Variants in BORCS5 observed in about 807,000 individuals in gnomAD.
BORCS5 encodes the protein BLOC-1 related complex subunit 5, also known as BLOC-1-related complex subunit 5.
Under a neutral mutation model 22.1 loss-of-function variants are expected in BORCS5, and 17 were observed. The ratio of observed to expected loss-of-function variants is 0.77; its 90% CI spans 0.53 to 1.15. The LOEUF is 1.15. Among genes scored for constraint, BORCS5 ranks in the 50% most tolerant of loss-of-function variants. The probability of loss-of-function intolerance (pLI) is 0.00; values close to 1 mark genes in which losing one functional copy is unlikely to be tolerated. For missense variants in BORCS5, 247 were observed against 253.2 expected (o/e 0.98, Z 0.17); for synonymous variants, 117 against 99.8 (o/e 1.17, Z -1.03).
intron 2 of BORCS5, among the ~76,000 whole-genome samples, chr12:12,394,914 C>T (rs1178226091): frequency 6.6e-6 from 1 of 152,012 alleles, no homozygotes; most frequent in Non-Finnish European, 1.5e-5. Flanking sequence ...TGCTGAGCTA[C>T]AGAGAGGTTA....
chr12:12,435,552 G>T (rs1942536413), intron 2 of BORCS5, 76 bp from the exon 3 acceptor site: 2 of 1,236,428 alleles, frequency 1.6e-6, no homozygotes, highest in South Asian at 1.4e-5. Flanking sequence ...TGTCTTCAGT[G>T]AACTTGTTAA....
rs1463804352 is a variant in BORCS5 at position 12,361,192 on chromosome 12, A to C, written c.59-14A>C. ...CTAATATGCATCTCCTAAGCAGTGTAACTTTATTTTCAGTGACTCCTTCAC... is the reference window on the plus strand; with the variant it reads ...CTAATATGCATCTCCTAAGCAGTGTCACTTTATTTTCAGTGACTCCTTCAC... On this transcript the variant is annotated splice_polypyrimidine_tract_variant and intron_variant, in intron 1 of 3. Transcript: ENST00000314565. 1.9e-6 allele frequency: 3 copies of C among 1,612,604 alleles called. No individual in the cohort carries two copies. In the African/African-American group the frequency reaches 4.0e-5, roughly 22 times the overall value.
intron 2 of BORCS5, among the ~76,000 whole-genome samples, chr12:12,430,150 A>ATTTTTTTTTTTTTT (rs1565905968): frequency 6.2e-4 from 46 of 74,370 alleles, no homozygotes; most frequent in African/African-American, 3.2e-3. Flanking sequence ...CCTTAGAGAA[A>ATTTTTTTTTTTTTT]ATTTTTTTTT....
intron 2 of BORCS5, among the ~76,000 whole-genome samples, chr12:12,415,233 C>G (rs1443276436): frequency 5.3e-5 from 8 of 151,064 alleles, no homozygotes; most frequent in Admixed American, 5.3e-4. Flanking sequence ...GCCGAGATCA[C>G]GCCACTGCAC....
At chr12:12,382,036 C>G (rs1863784928) in intron 2 of BORCS5, among the ~76,000 whole-genome samples, 1 of 151,400 alleles carries the variant, frequency 6.6e-6, no homozygotes. Flanking sequence ...TCTAATATTA[C>G]TCTCTGTCTT....
At position 12,359,488 on chromosome 12, in the gene BORCS5, A is replaced by G. The variant is rs992161826; in HGVS notation, c.59-1718A>G. On this transcript the variant is annotated intron_variant, in intron 1 of 3. Transcript: ENST00000314565. Reference sequence around the variant, plus strand: ...GCAATTTTCCTGCCTCAGCCTCCCAAGTAGCTGGGATTACAGGGACATGCC... The same window carrying G: ...GCAATTTTCCTGCCTCAGCCTCCCAGGTAGCTGGGATTACAGGGACATGCC... 2.6e-5 allele frequency among the ~76,000 whole-genome samples: 4 copies of G among 151,728 alleles called. No individual in the cohort carries two copies. In the East Asian group the frequency reaches 5.8e-4, roughly 22 times the overall value.
At chr12:12,404,514 C>G (rs544609316) in intron 2 of BORCS5, among the ~76,000 whole-genome samples, 1 of 152,132 alleles carries the variant, frequency 6.6e-6, no homozygotes, top group Non-Finnish European at 1.5e-5. Context: ...GAGAGGAGCC[C>G]TCATGGCCTA....
chr12:12,417,092 A>G (rs1193439039), intron 2 of BORCS5, among the ~76,000 whole-genome samples: 1 of 152,034 alleles, frequency 6.6e-6, no homozygotes, highest in Non-Finnish European at 1.5e-5. Context: ...TGCCCAGCCT[A>G]ATGTAAACAT....
intron 2 of BORCS5, among the ~76,000 whole-genome samples, chr12:12,379,376 TAGTGCTGGGTTTAC>T (rs1863728502): frequency 6.6e-6 from 1 of 151,424 alleles, no homozygotes; most frequent in Admixed American, 6.6e-5. Context: ...CAGCCTCCCA[TAGTGCTGGGTTTAC>T]AGGCATGGGC....
At chr12:12,396,861 A>C (rs1941361403) in intron 2 of BORCS5, among the ~76,000 whole-genome samples, 1 of 152,222 alleles carries the variant, frequency 6.6e-6, no homozygotes, top group African/African-American at 2.4e-5. Context: ...GTCTTTCCGG[A>C]ACACTAACTT....
chr12:12,365,578 A>T (rs1863390569), intron 2 of BORCS5, among the ~76,000 whole-genome samples: 1 of 151,006 alleles, frequency 6.6e-6, no homozygotes. Flanking sequence ...AAATGACAAC[A>T]TGTGGCTGTG....
At chr12:12,372,102 C>T (rs990839656) in intron 2 of BORCS5, among the ~76,000 whole-genome samples, 100 of 152,264 alleles carry the variant, frequency 6.6e-4, no homozygotes, top group African/African-American at 2.3e-3. Flanking sequence ...TGCAATGGCA[C>T]GATGTCAGCT....
At chr12:12,454,050 G>T (rs74812953) in intron 3 of BORCS5, among the ~76,000 whole-genome samples, 3,565 of 152,250 alleles carry the variant, frequency 0.023, 148 homozygotes, top group African/African-American at 0.079. Context: ...TTTATTCTAT[G>T]AATAGACCAC....
intron 2 of BORCS5, among the ~76,000 whole-genome samples, chr12:12,398,735 C>T (rs1941405409): frequency 2.0e-5 from 3 of 152,192 alleles, no homozygotes; most frequent in African/African-American, 7.2e-5. Flanking sequence ...CTTGTGCCAC[C>T]ACCTGCCTCC....
intron 2 of BORCS5, among the ~76,000 whole-genome samples, chr12:12,403,410 T>A (rs1941520137): frequency 6.6e-6 from 1 of 152,206 alleles, no homozygotes; most frequent in African/African-American, 2.4e-5. Flanking sequence ...CCAGCTGCTC[T>A]TCCCCGTGGC....
intron 2 of BORCS5, among the ~76,000 whole-genome samples, chr12:12,386,347 G>A (rs1019924695): frequency 2.0e-5 from 3 of 149,972 alleles, no homozygotes; most frequent in Admixed American, 1.3e-4. Flanking sequence ...GCATATAGTT[G>A]TCTTGCTGTT....
At chr12:12,389,468 ATTCT>A in intron 2 of BORCS5, among the ~76,000 whole-genome samples, 1 of 144,550 alleles carries the variant, frequency 6.9e-6, no homozygotes, top group Non-Finnish European at 1.6e-5. Flanking sequence ...CACATTTACA[ATTCT>A]AATTAGTTTT....
chr12:12,420,764 T>A (rs1341758031), intron 2 of BORCS5, among the ~76,000 whole-genome samples: 1 of 152,222 alleles, frequency 6.6e-6, no homozygotes, highest in African/African-American at 2.4e-5. Context: ...GAAGAGGTAC[T>A]TCACATCCCT....
chr12:12,407,709 T>C (rs575924818), intron 2 of BORCS5, among the ~76,000 whole-genome samples: 1 of 133,862 alleles, frequency 7.5e-6, no homozygotes, highest in South Asian at 2.3e-4. Context: ...ATTCTTTTTG[T>C]TTTTTTTTTT....
Sources: allele counts gnomAD v4.1 joint callset (sites outside exome capture counted in the v4.1 genomes callset), GRCh38; gene constraint gnomAD v4.1.1; transcripts MANE v1.5; gene names NCBI Gene and HGNC (gene_info 2026-07-23, HGNC 2026-07-21).